The following QRSL1 variants were observed in gnomAD, a reference collection of about 807,000 sequenced individuals.
The protein encoded by QRSL1 is glutaminyl-tRNA amidotransferase subunit QRSL1.
In QRSL1, 54 loss-of-function variants were observed where a neutral mutation model predicts 61.6. That is an observed-to-expected ratio of 0.88 (90% confidence interval 0.70 to 1.10). The LOEUF is 1.10. QRSL1 is among the 50% of genes least tolerant of loss of function. The pLI is 0.00. For synonymous variants in QRSL1, 228 were observed against 225.7 expected (o/e 1.01, Z -0.09); for missense variants, 505 against 622.6 (o/e 0.81, Z 2.01).
intron 5 of QRSL1, among the ~76,000 whole-genome samples, chr6:106,650,026 A>G (rs1167702680): frequency 6.6e-6 from 1 of 152,168 alleles, no homozygotes; most frequent in Non-Finnish European, 1.5e-5. Flanking sequence ...TGTGAGTTCT[A>G]CAGATTTTTT....
At chr6:106,645,660 A>T (rs1330924406) in intron 4 of QRSL1, among the ~76,000 whole-genome samples, 2 of 152,224 alleles carry the variant, frequency 1.3e-5, no homozygotes, top group East Asian at 3.9e-4. Flanking sequence ...TGACCTTGTG[A>T]TCCGCCCGCC....
chr6:106,660,898 T>C (rs941720813), intron 9 of QRSL1, among the ~76,000 whole-genome samples: 1 of 151,908 alleles, frequency 6.6e-6, no homozygotes, highest in African/African-American at 2.4e-5. Flanking sequence ...AAGAGTGGAG[T>C]TGTTATGGCC....
chr6:106,647,104 A>G (rs914857086), intron 4 of QRSL1, among the ~76,000 whole-genome samples: 7 of 151,816 alleles, frequency 4.6e-5, no homozygotes, highest in Admixed American at 3.3e-4. Context: ...GAAATATGCT[A>G]CTAAAAAAGT....
rs2114702840 is a variant in QRSL1, at chr6:106,640,877, G to A, written c.239G>A (p.Ser80Asn). 6.2e-7 allele frequency: 1 copy of A among 1,613,758 alleles called. No homozygotes were observed. The part of the protein sequence containing the change: ...GIPIAVKDNF[S>N]TSGIETTCAS... ...CCTATTGCAGTAAAAGACAATTTCA[G>A]CACTTCTGGCATTGAGACAACATGT... Residue 80 changes from serine to asparagine, a missense_variant, in exon 3 of 11, where the codon AGC becomes AAC. Ser to Asn is a conservative substitution (Grantham distance 46, BLOSUM62 1). Coordinates refer to ENST00000369046, the MANE Select transcript of QRSL1 (RefSeq NM_018292.5).
intron 9 of QRSL1, among the ~76,000 whole-genome samples, chr6:106,657,377 T>G (rs865873705): frequency 1.6e-4 from 25 of 152,322 alleles, no homozygotes; most frequent in Middle Eastern, 6.8e-3. Flanking sequence ...AGGAAATAAT[T>G]TTCTAAGTGA....
In QRSL1 at chr6:106,652,547, G is replaced by T; in HGVS notation, c.814G>T (p.Ala272Ser). The change falls in exon 7 of 11, where the codon GCA becomes TCA. Residue 272 changes from alanine (A) to serine (S), a missense_variant. By Grantham distance (99) the Ala-to-Ser change is moderately conservative. Transcript: ENST00000369046. ...INKPFMLPSLADVSKLCIGIP... is the reference protein window; with the variant it reads ...INKPFMLPSLSDVSKLCIGIP... ...TAAACCATTCATGCTTCCCAGTTTG[G>T]CAGATGTGAGCAAACTATGTATAGG... 6.2e-7 allele frequency: 1 copy of T among 1,614,172 alleles called. No homozygotes were observed. Among genetic ancestry groups the T allele is most frequent in the Non-Finnish European group, 8.5e-7 (1 of 1,180,030 alleles).
intron 1 of QRSL1, among the ~76,000 whole-genome samples, chr6:106,634,208 T>G (rs951150502): frequency 6.6e-6 from 1 of 152,040 alleles, no homozygotes; most frequent in Admixed American, 6.6e-5. Context: ...AGAGCAAGCT[T>G]AACATGTTCA....
At chr6:106,655,070 G>A in intron 8 of QRSL1, 148 bp downstream of exon 8, 1 of 759,680 alleles carries the variant, frequency 1.3e-6, no homozygotes, top group South Asian at 1.9e-5. Context: ...TGTCATTTTA[G>A]ACTTGTACTT....
At chr6:106,644,645 C>T (rs7756371) in intron 4 of QRSL1, among the ~76,000 whole-genome samples, 2,931 of 152,078 alleles carry the variant, frequency 0.019, 104 homozygotes, top group African/African-American at 0.066. Flanking sequence ...CTCAGCCTCC[C>T]GAGTAGTTGG....
In QRSL1 at chr6:106,640,857, T is replaced by A. The variant is rs1225781814; in HGVS notation, c.219T>A (p.Ile73=). The A allele has an allele frequency of 1.2e-6, 2 of 1,613,816 alleles. No homozygotes were observed. ...QSLGDLDGIP[I]AVKDNFSTSG... ...TTGGGGATTTAGATGGAATTCCTATTGCAGTAAAAGACAATTTCAGCACTT... is the reference window on the plus strand; with the variant it reads ...TTGGGGATTTAGATGGAATTCCTATAGCAGTAAAAGACAATTTCAGCACTT... The change falls in exon 3 of 11, where the codon ATT becomes ATA. Residue 73 remains isoleucine (I), a synonymous_variant. Transcript: ENST00000369046.
intron 5 of QRSL1, among the ~76,000 whole-genome samples, chr6:106,650,423 G>C (rs1279911392): frequency 2.0e-5 from 3 of 152,206 alleles, no homozygotes. Flanking sequence ...GCATTGTTCA[G>C]TCCAAAGCTT....
chr6:106,630,179 C>T (rs1224153642), intron 1 of QRSL1, among the ~76,000 whole-genome samples: 1 of 152,298 alleles, frequency 6.6e-6, no homozygotes, highest in East Asian at 1.9e-4. Context: ...CCAGTGATTT[C>T]CTAACCCGTG....
intron 1 of QRSL1, 54 bp from the exon 2 acceptor site, chr6:106,640,295 C>CA: frequency 7.7e-7 from 1 of 1,295,576 alleles, no homozygotes; most frequent in Non-Finnish European, 1.1e-6. Flanking sequence ...ACCAATATAA[C>CA]AATTGAAACT....
intron 9 of QRSL1, among the ~76,000 whole-genome samples, chr6:106,660,540 A>C (rs1777340270): frequency 6.6e-6 from 1 of 152,034 alleles, no homozygotes; most frequent in South Asian, 2.1e-4. Context: ...TAATGCCTGA[A>C]AATGGTCATT....
At chr6:106,657,012 G>A (rs1453597968) in intron 9 of QRSL1, among the ~76,000 whole-genome samples, 2 of 152,190 alleles carry the variant, frequency 1.3e-5, no homozygotes, top group Non-Finnish European at 2.9e-5. Flanking sequence ...GCTCATGCCT[G>A]TAATCCTAGC....
chr6:106,651,721 G>A (rs1777189894), intron 5 of QRSL1, among the ~76,000 whole-genome samples: 1 of 152,116 alleles, frequency 6.6e-6, no homozygotes, highest in African/African-American at 2.4e-5. Context: ...GGCGTATTTA[G>A]TCTGTAAAAG....
chr6:106,642,685 C>T (rs1777041239), intron 3 of QRSL1: 1 of 759,144 alleles, frequency 1.3e-6, no homozygotes, highest in Non-Finnish European at 2.4e-6. Flanking sequence ...TGTAAACAAA[C>T]AAGGGCAAGA....
intron 9 of QRSL1, among the ~76,000 whole-genome samples, chr6:106,656,722 TCGCAGCTCAC>T (rs1406744814): frequency 1.3e-5 from 2 of 152,210 alleles, no homozygotes; most frequent in Non-Finnish European, 2.9e-5. Context: ...AGTGAAGTGA[TCGCAGCTCAC>T]CGCAGCCTTG....
intron 1 of QRSL1, among the ~76,000 whole-genome samples, chr6:106,635,826 G>T (rs553066575): frequency 6.6e-6 from 1 of 150,394 alleles, no homozygotes; most frequent in South Asian, 2.1e-4. Flanking sequence ...AGCCGAGATC[G>T]CACCACTGCA....
Sources: gnomAD v4.1 joint callset for allele counts (sites outside exome capture counted in the v4.1 genomes callset) on GRCh38, gnomAD v4.1.1 for gene constraint, MANE v1.5 for transcripts, NCBI Gene and HGNC (gene_info 2026-07-23, HGNC 2026-07-21) for gene names.